RIMS1: variants seen among roughly 807,000 people sequenced by gnomAD.
RIMS1 encodes the protein regulating synaptic membrane exocytosis 1, also known as regulating synaptic membrane exocytosis protein 1.
RIMS1 carries 83 observed loss-of-function variants against 214.1 expected under a neutral mutation model. The observed-to-expected ratio is 0.39, with a 90% confidence interval of 0.32 to 0.47. The LOEUF is 0.47. Ranked by LOEUF, RIMS1 falls within the 20% of genes least tolerant of loss-of-function variation. The pLI, the probability that RIMS1 is intolerant of heterozygous loss-of-function variation, is 0.99. For synonymous variants in RIMS1, 793 were observed against 786.8 expected (o/e 1.01, Z -0.13); for missense variants, 2,050 against 2,161.8 (o/e 0.95, Z 1.03).
At chr6:71,976,654 G>A (rs1562010010) in intron 2 of RIMS1, among the ~76,000 whole-genome samples, 2 of 152,034 alleles carry the variant, frequency 1.3e-5, no homozygotes, top group South Asian at 4.2e-4. Flanking sequence ...TTGCATCCAG[G>A]AAATCATTCT....
intron 19 of RIMS1, chr6:72,263,514 G>T (rs185432591): frequency 8.1e-6 from 8 of 984,972 alleles, no homozygotes; most frequent in Non-Finnish European, 9.6e-6. Context: ...TAAATTTTGT[G>T]CTATTTTCTA....
At chr6:72,096,819 G>A in intron 2 of RIMS1, 130 bp from the exon 3 acceptor site, 1 of 743,500 alleles carries the variant, frequency 1.3e-6, no homozygotes, top group Non-Finnish European at 2.3e-6. Context: ...GGGGAAAATA[G>A]TTTTGTATGT....
At chr6:72,270,276 TG>T (rs1329426457) in intron 22 of RIMS1, among the ~76,000 whole-genome samples, 7 of 151,438 alleles carry the variant, frequency 4.6e-5, no homozygotes, top group East Asian at 1.9e-4. Context: ...AAAACAATAT[TG>T]GGGGAAAAAT....
chr6:72,093,255 CAT>C (rs1207657530), intron 2 of RIMS1, among the ~76,000 whole-genome samples: 1 of 107,952 alleles, frequency 9.3e-6, no homozygotes, highest in African/African-American at 2.9e-5. Flanking sequence ...TATGTATATA[CAT>C]ATATGTATAC....
chr6:72,342,377 G>T (rs910075363), intron 29 of RIMS1, among the ~76,000 whole-genome samples: 1 of 151,364 alleles, frequency 6.6e-6, no homozygotes, highest in East Asian at 2.0e-4. Flanking sequence ...AGGGGATAGG[G>T]CTAAAAGGTC....
At position 72,339,629 on chromosome 6, in the gene RIMS1, G is replaced by A. The variant is rs1037316217; in HGVS notation, c.4366+5794G>A. 2.8e-4 allele frequency among the ~76,000 whole-genome samples: 43 copies of A among 151,918 alleles called. 1 individual carries two copies. Among genetic ancestry groups the A allele is most frequent in the African/African-American group, 1.0e-3 (43 of 41,358 alleles). On this transcript the variant is annotated intron_variant, in intron 29 of 33. Coordinates refer to ENST00000521978, the MANE Select transcript of RIMS1 (RefSeq NM_014989.7). ...GGACATGAACTCATCATTTTTTATG[G>A]CTGCATAGTATTCCATGGTGTATAT...
At chr6:72,301,430 CAT>C (rs1336954055) in intron 26 of RIMS1, among the ~76,000 whole-genome samples, 1 of 151,620 alleles carries the variant, frequency 6.6e-6, no homozygotes, top group Non-Finnish European at 1.5e-5. Context: ...GAAAATAAAA[CAT>C]TGCAGTTGGC....
intron 2 of RIMS1, among the ~76,000 whole-genome samples, chr6:72,047,608 G>T (rs1434924831): frequency 6.6e-6 from 1 of 152,006 alleles, no homozygotes; most frequent in Non-Finnish European, 1.5e-5. Context: ...AACTGTGCGG[G>T]CTAGTTTGCA....
chr6:71,958,747 A>C (rs1209212147), intron 1 of RIMS1, among the ~76,000 whole-genome samples: 1 of 152,098 alleles, frequency 6.6e-6, no homozygotes, highest in Non-Finnish European at 1.5e-5. Flanking sequence ...AGGCCATAAA[A>C]ATGACAGCCC....
intron 4 of RIMS1, among the ~76,000 whole-genome samples, chr6:72,121,281 T>C (rs2038243032): frequency 6.6e-6 from 1 of 151,934 alleles, no homozygotes; most frequent in Non-Finnish European, 1.5e-5. Context: ...TTCCTACCCA[T>C]GAGCATGGAA....
intron 18 of RIMS1, 99 bp from the exon 19 acceptor site, chr6:72,260,606 C>CTGGT: frequency 6.7e-7 from 1 of 1,485,694 alleles, no homozygotes. Flanking sequence ...TGCAGACAAT[C>CTGGT]TGGTTTCTTC....
intron 2 of RIMS1, among the ~76,000 whole-genome samples, chr6:72,076,699 G>A (rs570958611): frequency 6.6e-6 from 1 of 152,232 alleles, no homozygotes; most frequent in South Asian, 2.1e-4. Context: ...CAGGGATGAT[G>A]CTATCCTGGG....
intron 23 of RIMS1, among the ~76,000 whole-genome samples, chr6:72,275,154 A>C (rs1314085602): frequency 1.0e-4 from 5 of 47,798 alleles, no homozygotes; most frequent in African/African-American, 5.1e-4. Flanking sequence ...ATATATATAT[A>C]TATATATATA....
At chr6:72,068,603 C>T (rs544789436) in intron 2 of RIMS1, among the ~76,000 whole-genome samples, 67 of 152,242 alleles carry the variant, frequency 4.4e-4, no homozygotes, top group Non-Finnish European at 7.8e-4. Flanking sequence ...CAATGATGAA[C>T]AAGAAGTGGC....
intron 2 of RIMS1, among the ~76,000 whole-genome samples, chr6:72,021,196 G>A (rs144845384): frequency 1.3e-5 from 2 of 152,262 alleles, no homozygotes; most frequent in East Asian, 3.9e-4. Flanking sequence ...GGCATTCTAT[G>A]TGAGACCATA....
At chr6:72,242,526 A>G in intron 10 of RIMS1, 89 bp downstream of exon 10, 1 of 886,470 alleles carries the variant, frequency 1.1e-6, no homozygotes, top group South Asian at 1.9e-5. Context: ...CATACAGTAC[A>G]TGTTAACATG....
chr6:72,328,442 G>T (rs1461861623), intron 28 of RIMS1, among the ~76,000 whole-genome samples: 1 of 151,348 alleles, frequency 6.6e-6, no homozygotes, highest in East Asian at 2.0e-4. Flanking sequence ...AACCTAAAGT[G>T]TAATAAAAAA....
rs565925158 is a variant in RIMS1 at position 72,310,399 on chromosome 6, T to C, written c.3963+3029T>C. Among the ~76,000 whole-genome samples, 146 of 152,166 alleles carry C rather than the reference T, an allele frequency of 9.6e-4. 1 individual carries two copies. Among genetic ancestry groups the C allele is most frequent in the Non-Finnish European group, 1.8e-4 (12 of 67,942 alleles). The stretch of plus-strand genomic sequence containing the variant: ...AGGTATCCTTGAAATGTGTCACCAT[T>C]CTATTTTTTTTTTATTGGTGGTATA... On this transcript the variant is annotated intron_variant, in intron 27 of 33. Transcript: ENST00000521978.
intron 1 of RIMS1, among the ~76,000 whole-genome samples, chr6:71,929,558 T>C (rs1782472741): frequency 6.6e-6 from 1 of 152,008 alleles, no homozygotes; most frequent in Non-Finnish European, 1.5e-5. Context: ...GAAAAGCCTG[T>C]CTTGTATTTA....
Sources: allele counts gnomAD v4.1 joint callset (sites outside exome capture counted in the v4.1 genomes callset), GRCh38; gene constraint gnomAD v4.1.1; transcripts MANE v1.5; gene names NCBI Gene and HGNC (gene_info 2026-07-23, HGNC 2026-07-21).